Variants in PUDP observed in about 807,000 individuals in gnomAD.
PUDP encodes pseudouridine-5'-phosphatase.
In PUDP, 8 loss-of-function variants were observed where a neutral mutation model predicts 9.4. The ratio of observed to expected loss-of-function variants is 0.85; its 90% CI spans 0.50 to 1.53. The LOEUF is 1.53. PUDP is among the 40% of genes most tolerant of loss of function. PUDP has a pLI of 0.00. For missense variants in PUDP, 188 were observed against 189.7 expected, an observed-to-expected ratio of 0.99 and a Z score of 0.05; for synonymous variants, 99 against 80.7, an observed-to-expected ratio of 1.23 and a Z score of -1.22.
At chrX:6,763,440 A>C (rs953254869) in intron 3 of PUDP, among the ~76,000 whole-genome samples, 1 of 112,410 alleles carries the variant, frequency 8.9e-6, no homozygotes, top group Non-Finnish European at 1.9e-5. Context: ...AGGAAATTTT[A>C]TTAGAACACA....
intron 2 of PUDP, chrX:7,084,860 C>T (rs979281265): frequency 2.7e-5 from 3 of 111,680 alleles, no homozygotes; most frequent in Non-Finnish European, 5.6e-5. Flanking sequence ...TAACTATATA[C>T]GATTTCTATT....
At chrX:6,851,135 C>A (rs1010518395) in intron 3 of PUDP, among the ~76,000 whole-genome samples, 1 of 111,819 alleles carries the variant, frequency 8.9e-6, no homozygotes. Context: ...AAAGAAAAAT[C>A]ACGTTTATAT....
chrX:6,883,513 C>T (rs1602658361), intron 3 of PUDP, among the ~76,000 whole-genome samples: 1 of 91,977 alleles, frequency 1.1e-5, no homozygotes, highest in East Asian at 4.4e-4. Flanking sequence ...TGGAGTGAGA[C>T]CTTGTCTCAA....
At chrX:6,937,028 A>G (rs1329262367) in intron 3 of PUDP, among the ~76,000 whole-genome samples, 3 of 105,590 alleles carry the variant, frequency 2.8e-5, no homozygotes, top group Non-Finnish European at 5.8e-5. Flanking sequence ...AGTAGGAAGA[A>G]TCAATATCGT....
chrX:6,776,507 G>C (rs1427457460), intron 3 of PUDP, among the ~76,000 whole-genome samples: 1 of 111,042 alleles, frequency 9.0e-6, no homozygotes, highest in African/African-American at 3.3e-5. Context: ...CTCCGGCCTG[G>C]GTGACAGAGC....
intron 3 of PUDP, among the ~76,000 whole-genome samples, chrX:6,836,373 G>A (rs774814807): frequency 2.6e-4 from 29 of 111,860 alleles, no homozygotes; most frequent in Non-Finnish European, 5.1e-4. Context: ...GGGTCTCACT[G>A]GTTTAAAATG....
At chrX:6,751,066 G>C (rs972806792) in intron 3 of PUDP, among the ~76,000 whole-genome samples, 15 of 109,659 alleles carry the variant, frequency 1.4e-4, no homozygotes, top group African/African-American at 4.7e-4. Context: ...GGTGTGAACC[G>C]GGGAGGCGGA....
chrX:6,809,373 C>T (rs1033397777), intron 3 of PUDP, among the ~76,000 whole-genome samples: 3 of 109,858 alleles, frequency 2.7e-5, no homozygotes, highest in African/African-American at 9.9e-5. Context: ...TCATAGCTCA[C>T]TACAGCCTCA....
At chrX:7,110,333 G>A (rs6639771) in intron 1 of PUDP, among the ~76,000 whole-genome samples, 6,027 of 112,150 alleles carry the variant, frequency 0.054, 259 homozygotes, top group East Asian at 0.27. Flanking sequence ...TGCTCACTAA[G>A]TCCGCCCCTG....
chrX:6,908,120 C>T (rs896100961), intron 3 of PUDP, among the ~76,000 whole-genome samples: 5 of 112,445 alleles, frequency 4.4e-5, no homozygotes, highest in African/African-American at 1.3e-4. Context: ...ATAGCATGCC[C>T]GCATGGGCTT....
chrX:6,828,381 T>C (rs1396365421), intron 3 of PUDP, among the ~76,000 whole-genome samples: 1 of 111,216 alleles, frequency 9.0e-6, no homozygotes, highest in Non-Finnish European at 1.9e-5. Flanking sequence ...TGTGTGTGTG[T>C]GTGTGTAAAC....
At chrX:6,924,376 G>A (rs1232927233) in intron 3 of PUDP, among the ~76,000 whole-genome samples, 1 of 111,826 alleles carries the variant, frequency 8.9e-6, no homozygotes, top group African/African-American at 3.2e-5. Flanking sequence ...GAAATAGAAC[G>A]GGGGTTGAAA....
In PUDP at chrX:7,077,353, C is replaced by A. The variant is rs368424937; in HGVS notation, c.377G>T (p.Arg126Leu). Residue 126 changes from arginine (R) to leucine (L), a missense_variant, in exon 3 of 4, where the codon CGC becomes CTC. Physicochemically the swap from Arg to Leu is moderately radical, Grantham distance 102 (BLOSUM62 -2). Transcript: ENST00000381077. ...AAACAAGCTGAAGAACTCCTTGTGG[C>A]GGCTTGTCTTCATATCGAACGACGC... is the stretch of plus-strand genomic sequence containing the variant. ...GSASFDMKTS[R>L]HKEFFSLFSH... The A allele has an allele frequency of 8.3e-7, 1 of 1,210,852 alleles. No homozygotes were observed. The highest frequency in any genetic ancestry group is 1.1e-6 in the Non-Finnish European group (1 of 895,082).
At chrX:7,124,930 A>C (rs1273508954) in intron 1 of PUDP, among the ~76,000 whole-genome samples, 1 of 110,058 alleles carries the variant, frequency 9.1e-6, no homozygotes, top group Non-Finnish European at 1.9e-5. Flanking sequence ...CCTGGGCGAC[A>C]GAGTGAGACT....
chrX:6,842,279 G>C lies in PUDP; in HGVS notation c.*247+134854C>G, dbSNP rs1040934443. Among the ~76,000 whole-genome samples the C allele has an allele frequency of 3.6e-5, 4 of 111,671 alleles. No individual in the cohort carries two copies. In the Admixed American group the frequency reaches 3.8e-4, roughly 11 times the overall value. On this transcript the variant is annotated intron_variant and NMD_transcript_variant, in intron 3 of 3. Coordinates refer to the PUDP transcript ENST00000655425. ...TACATATGTATTTATATGTATACTT[G>C]AATATAAAATGCCTCCTTGTCAGTC...
intron 1 of PUDP, among the ~76,000 whole-genome samples, chrX:7,014,167 C>T (rs1263744474): frequency 9.1e-6 from 1 of 110,338 alleles, no homozygotes; most frequent in Admixed American, 9.7e-5. Context: ...GTGTCATCTG[C>T]CATTTGTCTG....
chrX:7,069,861 T>C (rs1930675874), intron 3 of PUDP, among the ~76,000 whole-genome samples: 1 of 111,778 alleles, frequency 8.9e-6, no homozygotes, highest in Admixed American at 9.5e-5. Context: ...TTATCCACCA[T>C]CTAGTCTCCT....
At chrX:6,717,169 T>C (rs1487196541) in intron 1 of PUDP, among the ~76,000 whole-genome samples, 1 of 111,906 alleles carries the variant, frequency 8.9e-6, no homozygotes, top group Non-Finnish European at 1.9e-5. Context: ...GCAAGTACTG[T>C]GCTATTGGCT....
chrX:6,985,033 C>T (rs1246360140), intron 1 of PUDP, among the ~76,000 whole-genome samples: 2 of 111,656 alleles, frequency 1.8e-5, no homozygotes, highest in African/African-American at 3.3e-5. Flanking sequence ...CTTCAGAAAT[C>T]GTTCTACAGC....
Sources: allele counts gnomAD v4.1 joint callset (sites outside exome capture counted in the v4.1 genomes callset), GRCh38; gene constraint gnomAD v4.1.1; transcripts MANE v1.5; gene names NCBI Gene and HGNC (gene_info 2026-07-23, HGNC 2026-07-21).